SKI: variants seen among roughly 807,000 people sequenced by gnomAD.
SKI encodes ski oncogene.
SKI carries 23 observed loss-of-function variants against 59.3 expected under a neutral mutation model. That is an observed-to-expected ratio of 0.39 (90% CI 0.28 to 0.55). The LOEUF (loss-of-function observed/expected upper bound fraction) is 0.55. Among genes scored for constraint, SKI ranks in the 20% least tolerant of loss-of-function variants. The probability of loss-of-function intolerance (pLI) is 0.67; values close to 1 mark genes in which losing one functional copy is unlikely to be tolerated. For missense variants in SKI, 1,017 were observed against 1,038.9 expected (o/e 0.98, Z 0.29); for synonymous variants, 673 against 488.6 (o/e 1.38, Z -4.98).
intron 1 of SKI, among the ~76,000 whole-genome samples, chr1:2,298,733 G>A (rs1206389419): frequency 6.6e-6 from 1 of 152,210 alleles, no homozygotes; most frequent in Admixed American, 6.5e-5. Context: ...GACAGACGTG[G>A]CCGATCCTGG....
intron 1 of SKI, among the ~76,000 whole-genome samples, chr1:2,276,188 G>A (rs1639738927): frequency 6.6e-6 from 1 of 152,174 alleles, no homozygotes; most frequent in African/African-American, 2.4e-5. Context: ...CCAAAAAGAA[G>A]TGGTCCTGCT....
intron 1 of SKI, among the ~76,000 whole-genome samples, chr1:2,273,350 AGG>A (rs2100858167): frequency 6.6e-6 from 1 of 152,208 alleles, no homozygotes; most frequent in South Asian, 2.1e-4. Context: ...TGTATGTGGA[AGG>A]ACAGCAGCTG....
At chr1:2,241,177 G>A (rs1638862105) in intron 1 of SKI, among the ~76,000 whole-genome samples, 1 of 152,214 alleles carries the variant, frequency 6.6e-6, no homozygotes, top group Non-Finnish European at 1.5e-5. Context: ...TGCCTGTGGG[G>A]ACCAGTGGGA....
chr1:2,271,025 G>A (rs1465351488), intron 1 of SKI, among the ~76,000 whole-genome samples: 2 of 152,220 alleles, frequency 1.3e-5, no homozygotes, highest in East Asian at 3.9e-4. Context: ...TGAGGAGTGG[G>A]CTGGGGCCTG....
chr1:2,265,782 C>T (rs538668137), intron 1 of SKI, among the ~76,000 whole-genome samples: 1 of 152,230 alleles, frequency 6.6e-6, no homozygotes, highest in Non-Finnish European at 1.5e-5. Context: ...GCCTGGGCAA[C>T]ATGGAGAAAC....
At position 2,306,560 on chromosome 1, in the gene SKI, A is replaced by T. The variant is rs767988060; in HGVS notation, c.1999-17A>T. 36 of 1,539,176 alleles carry T rather than the reference A, an allele frequency of 2.3e-5. No homozygotes were observed. In the South Asian group the frequency reaches 4.3e-4, roughly 18 times the overall value. On this transcript the variant is annotated splice_polypyrimidine_tract_variant and intron_variant, in intron 6 of 6. Transcript: ENST00000378536. ...GGGCAGCGAGCAGGCGCCGCTGACC[A>T]CTCGGCTCCCTTTCAGATCGAAGAC...
rs965715024 is a variant in SKI at position 2,268,026 on chromosome 1, C to G, written c.970-34952C>G. 2.0e-5 allele frequency among the ~76,000 whole-genome samples: 3 copies of G among 152,294 alleles called. No homozygotes were observed. The highest frequency in any genetic ancestry group is 3.9e-4 in the East Asian group (2 of 5,172). On this transcript the variant is annotated intron_variant, in intron 1 of 6. Transcript: ENST00000378536. The surrounding 1 kb of genome is among the most constrained non-coding windows in gnomAD (Gnocchi z 5.0). The stretch of plus-strand genomic sequence containing the variant: ...CCGCCACCCCTCTGTGGACGCTACT[C>G]ACCCTTAGAAGCAGGTTCCCACAGG...
rs997821908 is a variant in SKI at position 2,258,597 on chromosome 1, C to T, written c.969+28862C>T. Among the ~76,000 whole-genome samples, 25 of 151,528 alleles carry T rather than the reference C, an allele frequency of 1.6e-4. 1 individual carries two copies. The highest frequency in any genetic ancestry group is 6.1e-4 in the African/African-American group (25 of 41,250). ...TGAGTCAGAGTCTAGGTCTGTCACCCAGGCTGGAGTGCTGTGATGTGGTCT... is the reference window on the plus strand; with the variant it reads ...TGAGTCAGAGTCTAGGTCTGTCACCTAGGCTGGAGTGCTGTGATGTGGTCT... On this transcript the variant is annotated intron_variant, in intron 1 of 6. Transcript: ENST00000378536.
intron 1 of SKI, among the ~76,000 whole-genome samples, chr1:2,298,491 CG>C (rs1171643612): frequency 6.6e-6 from 1 of 152,136 alleles, no homozygotes; most frequent in Non-Finnish European, 1.5e-5. Context: ...GTCCCCGGGC[CG>C]GATGGCTTTC....
At chr1:2,264,561 G>A (rs918451277) in intron 1 of SKI, among the ~76,000 whole-genome samples, 6 of 151,998 alleles carry the variant, frequency 3.9e-5, no homozygotes, top group East Asian at 3.9e-4. Flanking sequence ...GAGCCACTGC[G>A]TCCGGCCTGT....
rs1024791850 is a variant in SKI at position 2,229,961 on chromosome 1, G to C, written c.969+226G>C. Among the ~76,000 whole-genome samples, 1 of 152,264 alleles carries C rather than the reference G, an allele frequency of 6.6e-6. No homozygotes were observed. Among genetic ancestry groups the C allele is most frequent in the African/African-American group, 2.4e-5 (1 of 41,468 alleles). ...TTCCCCAGGACGAGCCTGGAGTGCG[G>C]GCTGTGGCGGTGGGGTGGGGGGCCA... On this transcript the variant is annotated intron_variant, in intron 1 of 6. Coordinates refer to ENST00000378536, the MANE Select transcript of SKI (RefSeq NM_003036.4). The surrounding 1 kb of genome is among the most constrained non-coding windows in gnomAD (Gnocchi z 6.3).
At chr1:2,242,057 A>G (rs769355237) in intron 1 of SKI, among the ~76,000 whole-genome samples, 25 of 152,110 alleles carry the variant, frequency 1.6e-4, no homozygotes, top group Admixed American at 1.4e-3. Context: ...GGCAGAGTCA[A>G]TATCTTGTTG....
At chr1:2,244,864 C>G (rs966414545) in intron 1 of SKI, among the ~76,000 whole-genome samples, 2 of 152,198 alleles carry the variant, frequency 1.3e-5, no homozygotes, top group African/African-American at 4.8e-5. Flanking sequence ...CAAAAGAAAA[C>G]AGGAGTGGCT....
At chr1:2,244,051 C>T (rs1005891370) in intron 1 of SKI, among the ~76,000 whole-genome samples, 4 of 152,138 alleles carry the variant, frequency 2.6e-5, no homozygotes, top group Middle Eastern at 3.4e-3. Flanking sequence ...TTGCAAGCTC[C>T]GCCTCCCGGG....
At chr1:2,259,787 C>T (rs1639344776) in intron 1 of SKI, among the ~76,000 whole-genome samples, 1 of 152,172 alleles carries the variant, frequency 6.6e-6, no homozygotes, top group South Asian at 2.1e-4. Flanking sequence ...TAAATGAAAT[C>T]CTACAATATG....
chr1:2,265,518 A>G (rs1639484118), intron 1 of SKI, among the ~76,000 whole-genome samples: 1 of 152,186 alleles, frequency 6.6e-6, no homozygotes, highest in Admixed American at 6.5e-5. Context: ...ACACTGTAAT[A>G]ACAGTTCCAG....
At chr1:2,242,181 G>A (rs1335600593) in intron 1 of SKI, among the ~76,000 whole-genome samples, 1 of 152,224 alleles carries the variant, frequency 6.6e-6, no homozygotes, top group Non-Finnish European at 1.5e-5. Context: ...GCCCCCAGCC[G>A]CTAGTGGTGA....
rs1639594975 is a variant in SKI at position 2,270,581 on chromosome 1, G to T, written c.970-32397G>T. On this transcript the variant is annotated intron_variant, in intron 1 of 6. Transcript: ENST00000378536. The surrounding 1 kb of genome is among the most constrained non-coding windows in gnomAD (Gnocchi z 4.1). ...GCGCTGGGGAAACAAGCTGCCGGCT[G>T]AGGAGGCCGCACTCCCCGTGCCTCC... 6.6e-6 allele frequency among the ~76,000 whole-genome samples: 1 copy of T among 152,084 alleles called. No homozygotes were observed. The highest frequency in any genetic ancestry group is 6.5e-5 in the Admixed American group (1 of 15,282).
At position 2,303,012 on chromosome 1, in the gene SKI, A is replaced by G. The variant is rs1449618348; in HGVS notation, c.1004A>G (p.Lys335Arg). 1 of 1,613,618 alleles carries G rather than the reference A, an allele frequency of 6.2e-7. No individual in the cohort carries two copies. Among genetic ancestry groups the G allele is most frequent in the Admixed American group, 1.7e-5 (1 of 60,012 alleles). The change falls in exon 2 of 7, where the codon AAA becomes AGA. Residue 335 changes from lysine to arginine, a missense_variant. By Grantham distance (26) the Lys-to-Arg change is conservative (BLOSUM62 2). Coordinates refer to ENST00000378536, the MANE Select transcript of SKI (RefSeq NM_003036.4). The surrounding 1 kb of genome is among the most constrained non-coding windows in gnomAD (Gnocchi z 5.6). ...GAGCCTCCGGCCTCCATAAGACCCA[A>G]AACAGATGACACCTCTTCCCAGTCC... Reference protein sequence around the residue: ...SSEPPASIRPKTDDTSSQSPA... With the variant: ...SSEPPASIRPRTDDTSSQSPA...
Sources: gnomAD v4.1 joint callset for allele counts (sites outside exome capture counted in the v4.1 genomes callset) on GRCh38, gnomAD v4.1.1 for gene constraint, Gnocchi (gnomAD v3.1) non-coding constraint, MANE v1.5 for transcripts, NCBI Gene and HGNC (gene_info 2026-07-23, HGNC 2026-07-21) for gene names.